The following CA10 variants were observed in gnomAD, a reference collection of about 807,000 sequenced individuals.
The protein encoded by CA10 is carbonic anhydrase 10 (inactive).
In CA10, 14 loss-of-function variants were observed where a neutral mutation model predicts 44.2. The ratio of observed to expected loss-of-function variants is 0.32; its 90% CI spans 0.21 to 0.50. The LOEUF (loss-of-function observed/expected upper bound fraction) is 0.50, where lower values mean the gene tolerates loss of function less well. Among genes scored for constraint, CA10 ranks in the 20% least tolerant of loss-of-function variants. The pLI is 0.99. For missense variants in CA10, 350 were observed against 409.7 expected (o/e 0.85, Z 1.26); for synonymous variants, 159 against 141.6 (o/e 1.12, Z -0.87).
intron 4 of CA10, among the ~76,000 whole-genome samples, chr17:51,711,558 G>A (rs1056340485): frequency 6.6e-6 from 1 of 152,222 alleles, no homozygotes. Context: ...GATGTCTTCT[G>A]TTGGGTTCCT....
intron 2 of CA10, among the ~76,000 whole-genome samples, chr17:51,963,248 T>C (rs1220584607): frequency 2.6e-5 from 4 of 152,110 alleles, no homozygotes; most frequent in Non-Finnish European, 5.9e-5. Flanking sequence ...AACAAAGTCT[T>C]TGAGAAATAT....
intron 8 of CA10, among the ~76,000 whole-genome samples, chr17:51,633,021 T>C (rs932096039): frequency 6.6e-6 from 1 of 152,226 alleles, no homozygotes; most frequent in African/African-American, 2.4e-5. Flanking sequence ...TTCTTCCATA[T>C]ACTTAAAAGC....
chr17:51,890,179 G>T (rs980731606), intron 3 of CA10, among the ~76,000 whole-genome samples: 2 of 152,208 alleles, frequency 1.3e-5, no homozygotes, highest in African/African-American at 4.8e-5. Context: ...TCTGGTTGTT[G>T]TAACGCATTT....
At chr17:52,027,941 C>G (rs1253464572) in intron 2 of CA10, among the ~76,000 whole-genome samples, 1 of 152,100 alleles carries the variant, frequency 6.6e-6, no homozygotes, top group Non-Finnish European at 1.5e-5. Flanking sequence ...CTTCTGGGAT[C>G]CTACTTTCAA....
rs1337266806 is a variant in CA10, at chr17:51,717,829, G to GTGTA, written c.465+29803_465+29804insTACA. ...TATATACACGTATATATATGTGTGT[G>GTGTA]TATATATATATATATATATATATAT... On this transcript the variant is annotated intron_variant, in intron 4 of 8. Coordinates refer to ENST00000451037, the MANE Select transcript of CA10 (RefSeq NM_020178.5). 2.7e-3 allele frequency among the ~76,000 whole-genome samples: 21 copies of GTGTA among 7,916 alleles called. 2 individuals carry two copies. Among genetic ancestry groups the GTGTA allele is most frequent in the South Asian group, 9.5e-3 (2 of 210 alleles). 5.2% of individuals were successfully genotyped at this position (7,916 alleles called of 152,430 possible).
chr17:51,837,089 CACACACACACACACAA>C (rs1461590784), intron 3 of CA10, among the ~76,000 whole-genome samples: 1 of 151,780 alleles, frequency 6.6e-6, no homozygotes, highest in African/African-American at 2.4e-5. Context: ...AACACACACA[CACACACACACACACAA>C]ACACACATGC....
intron 3 of CA10, among the ~76,000 whole-genome samples, chr17:51,827,269 C>T (rs1022871896): frequency 2.0e-5 from 3 of 152,090 alleles, no homozygotes; most frequent in Admixed American, 2.0e-4. Context: ...TTTCAATCTG[C>T]AGGACTTCTC....
chr17:51,851,664 T>C (rs1978801022), intron 3 of CA10, among the ~76,000 whole-genome samples: 1 of 152,204 alleles, frequency 6.6e-6, no homozygotes, highest in Admixed American at 6.5e-5. Context: ...AGTCAAGGGT[T>C]GTATCCACTT....
chr17:52,119,713 A>C (rs1988972153), intron 1 of CA10, among the ~76,000 whole-genome samples: 1 of 152,258 alleles, frequency 6.6e-6, no homozygotes, highest in Admixed American at 6.5e-5. Flanking sequence ...AATCAGGCCA[A>C]GTATAAGACT....
chr17:51,759,551 G>T (rs1423104358), intron 3 of CA10, among the ~76,000 whole-genome samples: 1 of 150,844 alleles, frequency 6.6e-6, no homozygotes, highest in Non-Finnish European at 1.5e-5. Flanking sequence ...TACCAGTCTT[G>T]ATTCCTGCCA....
At chr17:51,652,033 G>T (rs1913589688) in intron 5 of CA10, among the ~76,000 whole-genome samples, 1 of 152,196 alleles carries the variant, frequency 6.6e-6, no homozygotes, top group South Asian at 2.1e-4. Flanking sequence ...AGTGTGGGAA[G>T]AATGTTTTAA....
At chr17:51,829,721 A>G (rs987907267) in intron 3 of CA10, among the ~76,000 whole-genome samples, 2 of 152,152 alleles carry the variant, frequency 1.3e-5, no homozygotes, top group African/African-American at 4.8e-5. Context: ...CCAGTTTTTC[A>G]AACAAGGAAA....
intron 3 of CA10, among the ~76,000 whole-genome samples, chr17:51,866,864 A>G (rs1323034760): frequency 6.6e-6 from 1 of 152,208 alleles, no homozygotes; most frequent in African/African-American, 2.4e-5. Flanking sequence ...TTTTAATGCA[A>G]GTTAGATAAT....
chr17:51,799,289 A>G (rs1433961168), intron 3 of CA10, among the ~76,000 whole-genome samples: 2 of 152,214 alleles, frequency 1.3e-5, no homozygotes, highest in East Asian at 3.8e-4. Context: ...GCAGATAACA[A>G]TTTATTTAGT....
At chr17:51,786,147 T>C (rs1292924312) in intron 3 of CA10, among the ~76,000 whole-genome samples, 1 of 152,224 alleles carries the variant, frequency 6.6e-6, no homozygotes, top group Non-Finnish European at 1.5e-5. Context: ...GCTACTGATT[T>C]TTGTATGTTG....
At chr17:51,664,329 G>A (rs1279462304) in intron 4 of CA10, among the ~76,000 whole-genome samples, 1 of 152,062 alleles carries the variant, frequency 6.6e-6, no homozygotes, top group Non-Finnish European at 1.5e-5. Context: ...CTAGCTAGTG[G>A]AAAACAGCAT....
At chr17:52,024,781 T>C (rs1018468378) in intron 2 of CA10, among the ~76,000 whole-genome samples, 11 of 152,096 alleles carry the variant, frequency 7.2e-5, no homozygotes, top group East Asian at 5.8e-4. Context: ...ATAATAAATA[T>C]GCAAAGTGCT....
At chr17:52,032,825 A>G (rs1196505835) in intron 2 of CA10, among the ~76,000 whole-genome samples, 1 of 152,196 alleles carries the variant, frequency 6.6e-6, no homozygotes, top group Non-Finnish European at 1.5e-5. Flanking sequence ...ATACTCCAAT[A>G]AAGCCTATAA....
chr17:51,837,736 G>A (rs1014765525), intron 3 of CA10, among the ~76,000 whole-genome samples: 4 of 152,064 alleles, frequency 2.6e-5, no homozygotes, highest in African/African-American at 7.2e-5. Context: ...GATTATTATA[G>A]TTATTTGTCA....
Sources: gnomAD v4.1 joint callset for allele counts (sites outside exome capture counted in the v4.1 genomes callset) on GRCh38, gnomAD v4.1.1 for gene constraint, MANE v1.5 for transcripts, NCBI Gene and HGNC (gene_info 2026-07-23, HGNC 2026-07-21) for gene names.